SMC4: variants seen among roughly 807,000 people sequenced by gnomAD.
SMC4 encodes the protein structural maintenance of chromosomes 4, also known as structural maintenance of chromosomes protein 4.
A neutral mutation model predicts 145.6 loss-of-function variants in SMC4; 87 were observed. That is an observed-to-expected ratio of 0.60 (90% CI 0.50 to 0.71). SMC4 has a LOEUF of 0.71. Ranked by LOEUF, SMC4 falls within the 30% of genes least tolerant of loss-of-function variation. SMC4 has a pLI of 0.00. For missense variants in SMC4, 1,447 were observed against 1,537.1 expected (o/e 0.94, Z 0.98); for synonymous variants, 558 against 500.7 (o/e 1.11, Z -1.53).
At chr3:160,432,928 C>G in intron 22 of SMC4, 98 bp from the exon 23 acceptor site, 1 of 795,790 alleles carries the variant, frequency 1.3e-6, no homozygotes, top group Non-Finnish European at 2.0e-6. Context: ...TTACAGATTC[C>G]TAAAAAAGAT....
intron 22 of SMC4, 127 bp from the exon 23 acceptor site, chr3:160,432,899 C>A: frequency 1.5e-6 from 1 of 654,188 alleles, no homozygotes. Flanking sequence ...AAAGAGAATT[C>A]ATATTTGTGA....
Position 160,430,550 on chromosome 3 carries a change from A to C in SMC4, c.2796-49A>C, listed in dbSNP as rs73875276. On this transcript the variant is annotated intron_variant, in intron 18 of 23. Transcript: ENST00000357388. ...GTTCTTTAGTAGGTTTTCAGAAACA[A>C]TAACAAATCACCTTACCACATTTTT... The C allele has an allele frequency of 6.2e-6, 9 of 1,457,144 alleles. No individual in the cohort carries two copies. The East Asian group carries it at 2.2e-4, about 36-fold the overall frequency. 90.3% of individuals were successfully genotyped at this position (1,457,144 alleles called of 1,614,324 possible). A position where few individuals can be genotyped will look rare whatever the true frequency, so the allele number is the denominator to read the frequency against.
At chr3:160,415,533 A>C (rs998701313) in intron 9 of SMC4, among the ~76,000 whole-genome samples, 1 of 152,260 alleles carries the variant, frequency 6.6e-6, no homozygotes, top group Non-Finnish European at 1.5e-5. Flanking sequence ...TTACGCTATA[A>C]GCATTTTCTA....
intron 15 of SMC4, among the ~76,000 whole-genome samples, chr3:160,424,338 G>C (rs1338892018): frequency 6.6e-6 from 1 of 152,062 alleles, no homozygotes; most frequent in Non-Finnish European, 1.5e-5. Flanking sequence ...GAAAATACAA[G>C]TTTATGTCCT....
chr3:160,415,942 A>G (rs761935986), intron 9 of SMC4, among the ~76,000 whole-genome samples: 1 of 152,240 alleles, frequency 6.6e-6, no homozygotes, highest in Non-Finnish European at 1.5e-5. Context: ...GAGCATATTT[A>G]TAGCTAAAGA....
chr3:160,433,593 G>A lies in SMC4; in HGVS notation c.3715-64G>A, dbSNP rs574164925. On this transcript the variant is annotated intron_variant, in intron 23 of 23. Transcript: ENST00000357388. Reference sequence around the variant, plus strand: ...GTTTATTGTCCAAAAAATATTTGAGGTTACATGTTTGTGTGATTTACCTGT... The same window carrying A: ...GTTTATTGTCCAAAAAATATTTGAGATTACATGTTTGTGTGATTTACCTGT... The A allele has an allele frequency of 9.7e-5, 94 of 965,376 alleles. No individual in the cohort carries two copies. The African/African-American group carries it at 1.4e-3, about 15-fold the overall frequency. The allele number at this position is 965,376 out of a possible 1,614,324, so 59.8% of individuals were successfully genotyped here. A position where few individuals can be genotyped will look rare whatever the true frequency, so the allele number is the denominator to read the frequency against.
At position 160,428,805 on chromosome 3, in the gene SMC4, C is replaced by T. The variant is rs1718068002; in HGVS notation, c.2658C>T (p.Arg886=). The T allele has an allele frequency of 3.1e-6, 5 of 1,603,696 alleles. No individual in the cohort carries two copies. The highest frequency in any genetic ancestry group is 1.3e-5 in the African/African-American group (1 of 74,208). ...KAGKVEAEVK[R]LHNTIVEINN... is the part of the protein sequence containing the mutation. ...GTAAAGTAGAAGCTGAGGTTAAACG[C>T]TTACACAATACCATCGTAGAAATCA... The change falls in exon 18 of 24, where the codon CGC becomes CGT. Residue 886 remains arginine (R), a synonymous_variant. Coordinates refer to ENST00000357388, the MANE Select transcript of SMC4 (RefSeq NM_001002800.3).
Position 160,412,060 on chromosome 3 carries a change from A to C in SMC4, c.828A>C (p.Ile276=). The change falls in exon 6 of 24, where the codon ATA becomes ATC. Residue 276 remains isoleucine, a synonymous_variant. Coordinates refer to ENST00000357388, the MANE Select transcript of SMC4 (RefSeq NM_001002800.3). ...PIKVLCRRVE[I]LNEHRGEKLN... ...AAGTCTTGTGTCGGAGAGTTGAAAT[A>C]TTAAATGAACACAGAGGAGAGAAGG... The C allele has an allele frequency of 6.2e-7, 1 of 1,613,486 alleles. No homozygotes were observed. Among genetic ancestry groups the C allele is most frequent in the Non-Finnish European group, 8.5e-7 (1 of 1,179,708 alleles).
intron 3 of SMC4, among the ~76,000 whole-genome samples, 157 bp from the exon 4 acceptor site, chr3:160,402,517 GAA>G (rs950047172): frequency 6.6e-6 from 1 of 152,144 alleles, no homozygotes; most frequent in Non-Finnish European, 1.5e-5. Context: ...CTTGATGTAA[GAA>G]AACTCAAGTC....
Position 160,433,056 on chromosome 3 carries a change from G to A in SMC4, c.3561G>A (p.Lys1187=). The A allele has an allele frequency of 6.2e-7, 1 of 1,613,266 alleles. No homozygotes were observed. The highest frequency in any genetic ancestry group is 8.5e-7 in the Non-Finnish European group (1 of 1,179,506). Residue 1187 remains lysine, a synonymous_variant, in exon 23 of 24, where the codon AAG becomes AAA. Transcript: ENST00000357388. The part of the protein sequence containing the change: ...SVRPPKKSWK[K]IFNLSGGEKT... ...GACCACCTAAGAAAAGTTGGAAAAA[G>A]ATCTTCAACCTTTCGGGAGGAGAGA...
chr3:160,409,729 T>C (rs544702263), intron 5 of SMC4, among the ~76,000 whole-genome samples: 8 of 152,326 alleles, frequency 5.3e-5, no homozygotes, highest in East Asian at 1.9e-4. Flanking sequence ...TTGTCAGATA[T>C]TGTTTTTTAT....
At chr3:160,423,867 AC>A in intron 15 of SMC4, 27 bp downstream of exon 15, 1 of 1,543,606 alleles carries the variant, frequency 6.5e-7, no homozygotes, top group South Asian at 1.2e-5. Flanking sequence ...TTGTATCCAG[AC>A]TTTTTTTTTT....
chr3:160,419,682 A>G, intron 12 of SMC4, 139 bp downstream of exon 12: 1 of 738,370 alleles, frequency 1.4e-6, no homozygotes, highest in Non-Finnish European at 2.1e-6. Context: ...AGGCACATTT[A>G]TTTTTAAACA....
chr3:160,425,148 C>T lies in SMC4; in HGVS notation c.2478+129C>T, dbSNP rs1330861001. The T allele has an allele frequency of 2.3e-6, 3 of 1,319,278 alleles. No homozygotes were observed. The African/African-American group carries it at 4.5e-5, about 20-fold the overall frequency. The allele number at this position is 1,319,278 out of a possible 1,614,324, so 81.7% of individuals were successfully genotyped here. A position where few individuals can be genotyped will look rare whatever the true frequency, so the allele number is the denominator to read the frequency against. ...ATATAAGGGAGGGAGGATCTATAGGCAGATATAACTCTTGATGATTTTGTT... is the reference window on the plus strand; with the variant it reads ...ATATAAGGGAGGGAGGATCTATAGGTAGATATAACTCTTGATGATTTTGTT... On this transcript the variant is annotated intron_variant, in intron 16 of 23. Transcript: ENST00000357388.
In SMC4 at chr3:160,402,016, C is replaced by T; in HGVS notation, c.241C>T (p.Arg81Trp). The change falls in exon 3 of 24, where the codon CGG becomes TGG. Residue 81 changes from arginine to tryptophan, a missense_variant. Arg to Trp is a moderately radical substitution (Grantham distance 101, BLOSUM62 -3). Transcript: ENST00000357388. ...AATGACCAATGAAGCTGGAGCTCCT[C>T]GGCTTATGATAACTCATATTGTAAA... ...PAMTNEAGAP[R>W]LMITHIVNQN... 1 of 1,601,244 alleles carries T rather than the reference C, an allele frequency of 6.2e-7. No individual in the cohort carries two copies. Among genetic ancestry groups the T allele is most frequent in the South Asian group, 1.1e-5 (1 of 88,728 alleles).
At chr3:160,418,284 T>C (rs577428720) in intron 11 of SMC4, among the ~76,000 whole-genome samples, 1 of 152,364 alleles carries the variant, frequency 6.6e-6, no homozygotes, top group East Asian at 1.9e-4. Flanking sequence ...TATATGTATT[T>C]ATATAATGAA....
intron 5 of SMC4, chr3:160,404,743 T>G (rs1230251179): frequency 3.0e-6 from 2 of 656,230 alleles, no homozygotes; most frequent in Non-Finnish European, 5.9e-6. Flanking sequence ...ACTGACATAC[T>G]TGTTCCACTC....
At chr3:160,402,228 C>G in intron 3 of SMC4, 135 bp downstream of exon 3, 1 of 398,090 alleles carries the variant, frequency 2.5e-6, no homozygotes. Flanking sequence ...GTCTTTCTGT[C>G]TCTCTCTCTC....
chr3:160,407,039 A>G (rs779704227), intron 5 of SMC4, among the ~76,000 whole-genome samples: 3 of 152,102 alleles, frequency 2.0e-5, no homozygotes, highest in Non-Finnish European at 4.4e-5. Flanking sequence ...TCTGTATAAC[A>G]TTTCTTGGGT....
Sources: gnomAD v4.1 joint callset for allele counts (sites outside exome capture counted in the v4.1 genomes callset) on GRCh38, gnomAD v4.1.1 for gene constraint, MANE v1.5 for transcripts, NCBI Gene and HGNC (gene_info 2026-07-23, HGNC 2026-07-21) for gene names.